The following MARCHF4 variants were observed in gnomAD, a reference collection of about 807,000 sequenced individuals.
MARCHF4 encodes the protein membrane associated ring-CH-type finger 4.
A neutral mutation model predicts 43.9 loss-of-function variants in MARCHF4; 14 were observed. The ratio of observed to expected loss-of-function variants is 0.32; its 90% CI spans 0.21 to 0.50. MARCHF4 has a LOEUF of 0.50. MARCHF4 is among the 20% of genes least tolerant of loss of function. MARCHF4 has a pLI of 0.98. For missense variants in MARCHF4, 468 were observed against 536.7 expected, an observed-to-expected ratio of 0.87 and a Z score of 1.27; for synonymous variants, 226 against 213.3, an observed-to-expected ratio of 1.06 and a Z score of -0.52.
chr2:216,294,224 G>A (rs577578927), intron 1 of MARCHF4, among the ~76,000 whole-genome samples: 2 of 152,378 alleles, frequency 1.3e-5, no homozygotes, highest in East Asian at 3.9e-4. Flanking sequence ...CCCCTGGCAA[G>A]TTAAGTGGCA....
intron 3 of MARCHF4, among the ~76,000 whole-genome samples, chr2:216,266,432 T>C (rs1465689143): frequency 1.3e-5 from 2 of 152,238 alleles, no homozygotes; most frequent in African/African-American, 4.8e-5. Context: ...TCCTTCTTCA[T>C]TGGCAACCTT....
intron 2 of MARCHF4, 64 bp from the exon 3 acceptor site, chr2:216,277,928 T>C: frequency 2.1e-6 from 3 of 1,437,888 alleles, no homozygotes; most frequent in Non-Finnish European, 2.8e-6. Flanking sequence ...CCCACCCCTC[T>C]TCTGTCTGCT....
chr2:216,298,262 T>G (rs1169433452), intron 1 of MARCHF4, among the ~76,000 whole-genome samples: 7 of 120,802 alleles, frequency 5.8e-5, no homozygotes, highest in Non-Finnish European at 9.4e-5. Context: ...TTAGGTTTTT[T>G]TTTTTTTTTT....
At chr2:216,306,466 G>C (rs1691587626) in intron 1 of MARCHF4, among the ~76,000 whole-genome samples, 1 of 152,008 alleles carries the variant, frequency 6.6e-6, no homozygotes, top group African/African-American at 2.4e-5. Context: ...TTTTTTTCTA[G>C]ATCAAAGTTT....
chr2:216,274,577 T>A (rs977024674), intron 3 of MARCHF4, among the ~76,000 whole-genome samples: 1 of 152,214 alleles, frequency 6.6e-6, no homozygotes, highest in Non-Finnish European at 1.5e-5. Flanking sequence ...CTGGTTATCA[T>A]CATTTTACCA....
intron 1 of MARCHF4, among the ~76,000 whole-genome samples, chr2:216,344,375 G>A (rs186491960): frequency 4.6e-5 from 7 of 152,204 alleles, no homozygotes; most frequent in South Asian, 2.1e-4. Context: ...GGAGAACGCC[G>A]GCTGCCTCTC....
intron 3 of MARCHF4, among the ~76,000 whole-genome samples, chr2:216,262,963 G>T (rs1164020019): frequency 6.6e-6 from 1 of 152,188 alleles, no homozygotes; most frequent in Non-Finnish European, 1.5e-5. Context: ...ACAAACCCCA[G>T]ATATTTCCAA....
chr2:216,267,946 C>G lies in MARCHF4; in HGVS notation c.866-8267G>C, dbSNP rs564260075. ...CATCTCTAAGCAACCAGCCACTTGG[C>G]TGTGGAGATTGGTGGCCGTCACAGG... On this transcript the variant is annotated intron_variant, in intron 3 of 3. Transcript: ENST00000273067. Among the ~76,000 whole-genome samples the G allele has an allele frequency of 5.0e-4, 76 of 152,318 alleles. No individual in the cohort carries two copies. In the South Asian group the frequency reaches 0.014, roughly 29 times the overall value.
intron 1 of MARCHF4, among the ~76,000 whole-genome samples, chr2:216,288,036 A>G (rs930035965): frequency 3.9e-5 from 6 of 151,966 alleles, no homozygotes; most frequent in Non-Finnish European, 7.4e-5. Context: ...ATCATGGCTC[A>G]CTGCAGCCTT....
chr2:216,365,083 A>G (rs1330828076), intron 1 of MARCHF4, among the ~76,000 whole-genome samples: 4 of 152,212 alleles, frequency 2.6e-5, no homozygotes, highest in African/African-American at 9.7e-5. Flanking sequence ...TGTAAAATCA[A>G]ACCATAGCAC....
At chr2:216,334,091 CT>C (rs1692121520) in intron 1 of MARCHF4, among the ~76,000 whole-genome samples, 1 of 151,892 alleles carries the variant, frequency 6.6e-6, no homozygotes, top group Admixed American at 6.6e-5. Context: ...CAAAGGGGAA[CT>C]GAGGTTGCTA....
chr2:216,290,308 G>C (rs935906885), intron 1 of MARCHF4, among the ~76,000 whole-genome samples: 19 of 152,168 alleles, frequency 1.2e-4, no homozygotes, highest in African/African-American at 4.6e-4. Flanking sequence ...TGGGGGCTGA[G>C]CATTCCAGAC....
At chr2:216,296,974 C>T (rs1049751617) in intron 1 of MARCHF4, among the ~76,000 whole-genome samples, 11 of 152,164 alleles carry the variant, frequency 7.2e-5, no homozygotes, top group African/African-American at 1.9e-4. Flanking sequence ...AGGTGATAGC[C>T]GTGCCAGAGT....
intron 1 of MARCHF4, among the ~76,000 whole-genome samples, chr2:216,358,590 C>CTTATGCTTATTGG (rs1163036889): frequency 2.0e-5 from 3 of 152,156 alleles, no homozygotes; most frequent in African/African-American, 7.2e-5. Context: ...CAAATAAGAA[C>CTTATGCTTATTGG]AATCACTAGG....
intron 1 of MARCHF4, among the ~76,000 whole-genome samples, chr2:216,296,459 G>T (rs1387226098): frequency 6.6e-6 from 1 of 152,214 alleles, no homozygotes; most frequent in African/African-American, 2.4e-5. Flanking sequence ...ACATGTGTGT[G>T]TTTCTACCTC....
At chr2:216,349,464 C>T (rs2105978477) in intron 1 of MARCHF4, among the ~76,000 whole-genome samples, 1 of 152,322 alleles carries the variant, frequency 6.6e-6, no homozygotes, top group Middle Eastern at 3.4e-3. Context: ...GCTCATCGTT[C>T]ACCTGGGAGG....
At chr2:216,345,624 G>A (rs1168827742) in intron 1 of MARCHF4, among the ~76,000 whole-genome samples, 1 of 152,174 alleles carries the variant, frequency 6.6e-6, no homozygotes, top group Non-Finnish European at 1.5e-5. Context: ...TTGTGGCTGG[G>A]CATTGGGAAA....
intron 1 of MARCHF4, among the ~76,000 whole-genome samples, chr2:216,299,477 A>G (rs1241280082): frequency 6.6e-6 from 1 of 152,110 alleles, no homozygotes; most frequent in African/African-American, 2.4e-5. Context: ...TCTGTAAGAT[A>G]CCTAGATATG....
At chr2:216,344,809 C>T (rs1488038386) in intron 1 of MARCHF4, among the ~76,000 whole-genome samples, 2 of 151,498 alleles carry the variant, frequency 1.3e-5, no homozygotes, top group Non-Finnish European at 2.9e-5. Context: ...TGGGTGCGAG[C>T]GGAGGTGGTA....
Sources: gnomAD v4.1 joint callset for allele counts (sites outside exome capture counted in the v4.1 genomes callset) on GRCh38, gnomAD v4.1.1 for gene constraint, MANE v1.5 for transcripts, NCBI Gene and HGNC (gene_info 2026-07-23, HGNC 2026-07-21) for gene names.